The following ZNF644 variants were observed in gnomAD, a reference collection of about 807,000 sequenced individuals.
ZNF644 encodes the protein zinc finger motif enhancer binding protein 2.
Under a neutral mutation model 108.0 loss-of-function variants are expected in ZNF644, and 20 were observed. The observed-to-expected ratio is 0.19, with a 90% CI of 0.13 to 0.27. The LOEUF (loss-of-function observed/expected upper bound fraction) is 0.27. Among genes scored for constraint, ZNF644 ranks in the 10% least tolerant of loss-of-function variants. The pLI is 1.00. For missense variants in ZNF644, 1,338 were observed against 1,548.9 expected (o/e 0.86, Z 2.29); for synonymous variants, 542 against 539.1 (o/e 1.01, Z -0.08).
intron 2 of ZNF644, among the ~76,000 whole-genome samples, chr1:90,963,330 T>C (rs1420937080): frequency 1.3e-5 from 2 of 152,138 alleles, no homozygotes; most frequent in African/African-American, 2.4e-5. Context: ...AAAGGGGATA[T>C]TAATACCGAG....
intron 4 of ZNF644, among the ~76,000 whole-genome samples, chr1:90,930,391 C>A (rs1650599410): frequency 6.6e-6 from 1 of 152,018 alleles, no homozygotes; most frequent in Non-Finnish European, 1.5e-5. Context: ...TAGAAATTTC[C>A]AATTACTTTA....
chr1:90,936,106 T>A (rs1015057239), intron 4 of ZNF644, among the ~76,000 whole-genome samples: 6 of 152,180 alleles, frequency 3.9e-5, no homozygotes, highest in African/African-American at 1.4e-4. Context: ...CAATCAATAA[T>A]GAAAGTTAAT....
chr1:91,002,191 A>G (rs1295867538), intron 1 of ZNF644, among the ~76,000 whole-genome samples: 1 of 152,214 alleles, frequency 6.6e-6, no homozygotes, highest in Non-Finnish European at 1.5e-5. Context: ...TAAAGTTCAT[A>G]TGGAACCAAA....
In ZNF644 at chr1:90,939,404, T is replaced by C. The variant is rs769257891; in HGVS notation, c.1950A>G (p.Thr650=). ...GTTTTAAAGCAGAGTTCTTTGGAAA[T>C]GTGGTTGACTGTTGTTTAGTTAATG... ...TKTLTKQQST[T]FPKNSALKQD... is the part of the protein sequence containing the mutation. The change falls in exon 3 of 6, where the codon ACA becomes ACG. Residue 650 remains threonine, a synonymous_variant. Coordinates refer to ENST00000337393, the MANE Select transcript of ZNF644 (RefSeq NM_201269.3). 10 of 1,613,902 alleles carry C rather than the reference T, an allele frequency of 6.2e-6. No homozygotes were observed. Among genetic ancestry groups the C allele is most frequent in the Admixed American group, 1.7e-5 (1 of 59,986 alleles).
At chr1:90,985,255 T>C (rs1238439144) in intron 1 of ZNF644, among the ~76,000 whole-genome samples, 1 of 152,198 alleles carries the variant, frequency 6.6e-6, no homozygotes, top group African/African-American at 2.4e-5. Context: ...GCTTACATAG[T>C]AGAATGATTA....
rs544566476 is a variant in ZNF644 at position 90,940,418 on chromosome 1, A to T, written c.936T>A (p.Asn312Lys). ...GCATTTTTGATTTATTGGGTACACAATTAGAATCACTAAAGCAATCCTCGG... is the reference window on the plus strand; with the variant it reads ...GCATTTTTGATTTATTGGGTACACATTTAGAATCACTAAAGCAATCCTCGG... ...RYTEDCFSDS[N>K]CVPNKSKMQE... The change falls in exon 3 of 6, where the codon AAT becomes AAA. Residue 312 changes from asparagine to lysine, a missense_variant. Physicochemically the swap from Asn to Lys is moderately conservative, Grantham distance 94. Transcript: ENST00000337393. 6.2e-7 allele frequency: 1 copy of T among 1,613,626 alleles called. No homozygotes were observed. Among genetic ancestry groups the T allele is most frequent in the African/African-American group, 1.3e-5 (1 of 74,994 alleles).
chr1:90,958,668 G>A (rs1654006607), intron 2 of ZNF644, among the ~76,000 whole-genome samples: 1 of 152,100 alleles, frequency 6.6e-6, no homozygotes, highest in Non-Finnish European at 1.5e-5. Flanking sequence ...AAGCCCAATC[G>A]TCTATGGCCA....
intron 1 of ZNF644, among the ~76,000 whole-genome samples, chr1:90,984,416 T>C (rs1656878586): frequency 6.6e-6 from 1 of 151,656 alleles, no homozygotes; most frequent in Non-Finnish European, 1.5e-5. Flanking sequence ...ATGAGGCCTT[T>C]ACCCAATATG....
At chr1:90,991,172 C>G (rs1243757309) in intron 1 of ZNF644, among the ~76,000 whole-genome samples, 2 of 152,142 alleles carry the variant, frequency 1.3e-5, no homozygotes, top group Non-Finnish European at 1.5e-5. Flanking sequence ...ACAAGCATAT[C>G]AAAAGATGCT....
At chr1:90,956,327 G>C (rs927746883) in intron 2 of ZNF644, among the ~76,000 whole-genome samples, 2 of 152,186 alleles carry the variant, frequency 1.3e-5, no homozygotes, top group Non-Finnish European at 2.9e-5. Flanking sequence ...CTGTATACTT[G>C]CTTGATGCAG....
chr1:90,987,746 T>C (rs1220733151), intron 1 of ZNF644, among the ~76,000 whole-genome samples: 1 of 152,066 alleles, frequency 6.6e-6, no homozygotes, highest in Non-Finnish European at 1.5e-5. Context: ...ATTATAGACG[T>C]ATATCTGTGA....
intron 2 of ZNF644, among the ~76,000 whole-genome samples, chr1:90,978,616 G>A (rs534168546): frequency 4.0e-4 from 61 of 152,184 alleles, no homozygotes; most frequent in East Asian, 1.5e-3. Context: ...CCTTGGATTC[G>A]GGGATTCTGC....
chr1:90,974,398 G>A (rs1446423083), intron 2 of ZNF644, among the ~76,000 whole-genome samples: 2 of 152,004 alleles, frequency 1.3e-5, no homozygotes, highest in East Asian at 3.9e-4. Flanking sequence ...GTTATAGATA[G>A]GTCTCATATC....
intron 4 of ZNF644, among the ~76,000 whole-genome samples, chr1:90,922,575 AAACTC>A (rs1347695656): frequency 3.9e-5 from 6 of 152,268 alleles, no homozygotes; most frequent in Admixed American, 1.3e-4. Flanking sequence ...TAAGAAAAAT[AAACTC>A]AACTCTTTTT....
chr1:90,972,002 C>A (rs1335897941), intron 2 of ZNF644, among the ~76,000 whole-genome samples: 1 of 152,170 alleles, frequency 6.6e-6, no homozygotes, highest in Non-Finnish European at 1.5e-5. Flanking sequence ...CAGCTGTAGT[C>A]CCAGCTACTC....
At chr1:90,929,156 A>AG (rs1650425758) in intron 4 of ZNF644, among the ~76,000 whole-genome samples, 1 of 152,198 alleles carries the variant, frequency 6.6e-6, no homozygotes, top group Non-Finnish European at 1.5e-5. Context: ...TAATTCAATG[A>AG]GACAAACAGT....
intron 1 of ZNF644, among the ~76,000 whole-genome samples, chr1:91,010,834 G>A (rs564653424): frequency 6.6e-6 from 1 of 152,150 alleles, no homozygotes; most frequent in South Asian, 2.1e-4. Context: ...TTAAATAAAA[G>A]TTATGAAAAT....
chr1:90,989,736 C>T (rs1657455018), intron 1 of ZNF644, among the ~76,000 whole-genome samples: 1 of 152,122 alleles, frequency 6.6e-6, no homozygotes, highest in Admixed American at 6.5e-5. Flanking sequence ...TAAAATAGTG[C>T]AGCCATTATG....
intron 1 of ZNF644, among the ~76,000 whole-genome samples, chr1:90,990,675 T>A (rs1178283740): frequency 6.6e-6 from 1 of 152,172 alleles, no homozygotes; most frequent in African/African-American, 2.4e-5. Flanking sequence ...TCTAGCTACA[T>A]AATGATTAGA....
Sources: gnomAD v4.1 joint callset for allele counts (sites outside exome capture counted in the v4.1 genomes callset) on GRCh38, gnomAD v4.1.1 for gene constraint, MANE v1.5 for transcripts, NCBI Gene and HGNC (gene_info 2026-07-23, HGNC 2026-07-21) for gene names.